The following STK32A variants were observed in gnomAD, a reference collection of about 807,000 sequenced individuals.
The protein encoded by STK32A is serine/threonine kinase 32A, also known as serine/threonine-protein kinase 32A.
A neutral mutation model predicts 53.2 loss-of-function variants in STK32A; 41 were observed. The observed-to-expected ratio is 0.77, with a 90% CI of 0.60 to 1.00. The LOEUF (loss-of-function observed/expected upper bound fraction) is 1.00. STK32A is among the 50% of genes least tolerant of loss of function. The pLI is 0.00. For synonymous variants in STK32A, 166 were observed against 162.8 expected (o/e 1.02, Z -0.15); for missense variants, 458 against 485.8 (o/e 0.94, Z 0.54).
At chr5:147,307,909 A>G (rs191102826) in intron 4 of STK32A, among the ~76,000 whole-genome samples, 66 of 152,160 alleles carry the variant, frequency 4.3e-4, no homozygotes, top group Middle Eastern at 6.8e-3. Context: ...ACTCTTGCAT[A>G]TTTATCACTC....
At chr5:147,320,423 C>A (rs1561717669) in intron 4 of STK32A, among the ~76,000 whole-genome samples, 1 of 136,198 alleles carries the variant, frequency 7.3e-6, no homozygotes, top group Non-Finnish European at 1.6e-5. Context: ...TGTGTTTTAA[C>A]CTTGCTTCTC....
At chr5:147,270,350 C>T (rs1200988200) in intron 2 of STK32A, among the ~76,000 whole-genome samples, 2 of 151,800 alleles carry the variant, frequency 1.3e-5, no homozygotes, top group African/African-American at 4.8e-5. Context: ...GTAGATGGGA[C>T]CACAGGCATG....
intron 4 of STK32A, among the ~76,000 whole-genome samples, chr5:147,317,587 A>G (rs1754069579): frequency 1.3e-5 from 2 of 151,620 alleles, no homozygotes; most frequent in Admixed American, 6.6e-5. Context: ...AGCCTCCCAA[A>G]GTGCTGGGAT....
At chr5:147,263,936 CTA>C (rs1441980927) in intron 2 of STK32A, among the ~76,000 whole-genome samples, 1 of 152,100 alleles carries the variant, frequency 6.6e-6, no homozygotes, top group Non-Finnish European at 1.5e-5. Flanking sequence ...CTAGAAGTTT[CTA>C]GAGAAGAAAA....
chr5:147,269,441 GA>G (rs1196955413), intron 2 of STK32A, among the ~76,000 whole-genome samples: 4 of 152,186 alleles, frequency 2.6e-5, no homozygotes, highest in Non-Finnish European at 5.9e-5. Context: ...TACTGAGACA[GA>G]AAAATGAAAT....
intron 5 of STK32A, among the ~76,000 whole-genome samples, chr5:147,333,776 C>T (rs924191104): frequency 3.9e-5 from 6 of 152,006 alleles, no homozygotes; most frequent in Admixed American, 2.0e-4. Context: ...TACATCATCA[C>T]CCAAATCATT....
intron 9 of STK32A, among the ~76,000 whole-genome samples, chr5:147,372,188 C>G (rs1205966932): frequency 7.0e-6 from 1 of 143,054 alleles, no homozygotes; most frequent in Admixed American, 7.3e-5. Flanking sequence ...AGATGAAGAA[C>G]AGTTATAGCG....
In STK32A at chr5:147,315,922, A is replaced by C. The variant is rs191088200; in HGVS notation, c.261-7976A>C. 1.8e-3 allele frequency among the ~76,000 whole-genome samples: 273 copies of C among 152,296 alleles called. 1 individual carries two copies. The highest frequency in any genetic ancestry group is 6.4e-3 in the African/African-American group (265 of 41,582). On this transcript the variant is annotated intron_variant, in intron 4 of 12. Coordinates refer to ENST00000397936, the MANE Select transcript of STK32A (RefSeq NM_001112724.2). Reference sequence around the variant, plus strand: ...ATCTTAAAACAATCCCAAAAATGGAATGTAAAAAAAATGAAACCAATTAAT... The same window carrying C: ...ATCTTAAAACAATCCCAAAAATGGACTGTAAAAAAAATGAAACCAATTAAT...
At chr5:147,278,045 T>G in intron 2 of STK32A, 79 bp from the exon 3 acceptor site, 1 of 1,225,696 alleles carries the variant, frequency 8.2e-7, no homozygotes. Flanking sequence ...TACTTCAGTT[T>G]AGTCCAATCT....
chr5:147,300,105 A>T (rs1290726192), intron 4 of STK32A, among the ~76,000 whole-genome samples: 5 of 152,200 alleles, frequency 3.3e-5, no homozygotes, highest in African/African-American at 1.2e-4. Context: ...TGGCCTTCAG[A>T]GCCACAGCAT....
chr5:147,258,132 A>G (rs1193373760), intron 2 of STK32A, among the ~76,000 whole-genome samples: 9 of 113,544 alleles, frequency 7.9e-5, no homozygotes, highest in South Asian at 7.8e-4. Context: ...ACCATAATGT[A>G]TGATTCTTAT....
chr5:147,319,422 A>C (rs992151036), intron 4 of STK32A, among the ~76,000 whole-genome samples: 1 of 152,100 alleles, frequency 6.6e-6, no homozygotes, highest in South Asian at 2.1e-4. Flanking sequence ...GATTACAGGC[A>C]TGAGCCACTG....
chr5:147,359,201 C>T (rs1756388721), intron 7 of STK32A, among the ~76,000 whole-genome samples: 1 of 152,114 alleles, frequency 6.6e-6, no homozygotes, highest in Non-Finnish European at 1.5e-5. Flanking sequence ...GGTGAAAGCC[C>T]TTCAATATCT....
At chr5:147,240,591 T>A (rs1021346934) in intron 2 of STK32A, among the ~76,000 whole-genome samples, 3 of 152,222 alleles carry the variant, frequency 2.0e-5, no homozygotes, top group African/African-American at 7.2e-5. Flanking sequence ...ATAGGTTCCT[T>A]CCCACTCAAG....
intron 2 of STK32A, among the ~76,000 whole-genome samples, chr5:147,271,604 A>T (rs1460670296): frequency 6.6e-6 from 1 of 152,196 alleles, no homozygotes; most frequent in Non-Finnish European, 1.5e-5. Context: ...TTTCTCAGCA[A>T]TGAACATCCC....
At chr5:147,295,937 G>A (rs1190051907) in intron 4 of STK32A, among the ~76,000 whole-genome samples, 10 of 152,310 alleles carry the variant, frequency 6.6e-5, no homozygotes, top group Middle Eastern at 6.8e-3. Flanking sequence ...AGACAAGATG[G>A]CCAAGGAAAG....
intron 4 of STK32A, among the ~76,000 whole-genome samples, chr5:147,300,005 C>A (rs1463465996): frequency 6.6e-6 from 1 of 152,114 alleles, no homozygotes; most frequent in Admixed American, 6.6e-5. Context: ...TTTCTCTCTT[C>A]TCAGTGGCTT....
intron 2 of STK32A, among the ~76,000 whole-genome samples, chr5:147,244,805 T>A (rs2151939678): frequency 6.6e-6 from 1 of 152,314 alleles, no homozygotes; most frequent in South Asian, 2.1e-4. Flanking sequence ...GCATACTTCA[T>A]TAGGTCTTTG....
chr5:147,301,297 AT>A (rs34519535), intron 4 of STK32A, among the ~76,000 whole-genome samples: 129,515 of 151,436 alleles, frequency 0.86, 55,850 homozygotes, highest in Middle Eastern at 0.97. Context: ...TCACTAATGT[AT>A]TTTTTTTTTC....
Sources: allele counts gnomAD v4.1 joint callset (sites outside exome capture counted in the v4.1 genomes callset), GRCh38; gene constraint gnomAD v4.1.1; transcripts MANE v1.5; gene names NCBI Gene and HGNC (gene_info 2026-07-23, HGNC 2026-07-21).